LAMA5: variants seen among roughly 807,000 people sequenced by gnomAD.
The protein encoded by LAMA5 is laminin subunit alpha 5.
In LAMA5, 260 loss-of-function variants were observed where a neutral mutation model predicts 433.4. The observed-to-expected ratio is 0.60, with a 90% CI of 0.54 to 0.66. The LOEUF (loss-of-function observed/expected upper bound fraction) is 0.66. Among genes scored for constraint, LAMA5 ranks in the 30% least tolerant of loss-of-function variants. The pLI, the probability that LAMA5 is intolerant of heterozygous loss-of-function variation, is 0.00. For synonymous variants in LAMA5, 2,620 were observed against 2,226.6 expected (o/e 1.18, Z -4.97); for missense variants, 5,378 against 5,258.5 (o/e 1.02, Z -0.70).
chr20:62,311,375 T>C, intron 72 of LAMA5, 26 bp downstream of exon 72: 12 of 1,532,918 alleles, frequency 7.8e-6, no homozygotes, highest in Non-Finnish European at 1.1e-5. Flanking sequence ...ACCCCAGCTC[T>C]GCCTGCTCAC....
chr20:62,365,065 C>T (rs1042658349), intron 1 of LAMA5, among the ~76,000 whole-genome samples: 1 of 152,280 alleles, frequency 6.6e-6, no homozygotes. Flanking sequence ...AGGTCATACC[C>T]GTCCAGCTCA....
At chr20:62,321,246 GGT>G in intron 48 of LAMA5, among the ~76,000 whole-genome samples, 1 of 118,560 alleles carries the variant, frequency 8.4e-6, no homozygotes, top group African/African-American at 3.6e-5. Flanking sequence ...CCTGTGGAGG[GGT>G]GGGGCCAGTG....
At position 62,312,900 on chromosome 20, in the gene LAMA5, C is replaced by A. The variant is rs377693881; in HGVS notation, c.9066G>T (p.Ser3022=). The change falls in exon 66 of 80, where the codon TCG becomes TCT. Residue 3022 remains serine, a synonymous_variant. Transcript: ENST00000252999. Reference sequence around the variant, plus strand: ...ACCCTGGCCCTACCGCCTTGCTGGCCGAGGTCAGGGGCGGTGGGGGCTGCA... The same window carrying A: ...ACCCTGGCCCTACCGCCTTGCTGGCAGAGGTCAGGGGCGGTGGGGGCTGCA... ...VPLQPPPPLT[S]ASKAIQVFLL... 2 of 1,586,064 alleles carry A rather than the reference C, an allele frequency of 1.3e-6. No homozygotes were observed. The highest frequency in any genetic ancestry group is 2.2e-5 in the East Asian group (1 of 44,558).
intron 11 of LAMA5, among the ~76,000 whole-genome samples, chr20:62,344,144 CAA>C (rs34940052): frequency 0.027 from 2,241 of 82,576 alleles, 66 homozygotes; most frequent in African/African-American, 0.083. Flanking sequence ...AACTCCATCT[CAA>C]AAAAAAAAAA....
Position 62,322,350 on chromosome 20 carries a change from G to A in LAMA5, c.6265C>T (p.His2089Tyr), listed in dbSNP as rs1052644004. ...GGTCCCATGGTCCCTGGTCGGCAGTGGCACTGTCCGCTCTGGGGGTGGCAC... is the reference window on the plus strand; with the variant it reads ...GGTCCCATGGTCCCTGGTCGGCAGTAGCACTGTCCGCTCTGGGGGTGGCAC... The part of the protein sequence containing the change: ...SECHPQSGQC[H>Y]CRPGTMGPQC... The change falls in exon 47 of 80, where the codon CAC becomes TAC. Residue 2089 changes from histidine (H) to tyrosine (Y), a missense_variant. By Grantham distance (83) the His-to-Tyr change is moderately conservative. Coordinates refer to ENST00000252999, the MANE Select transcript of LAMA5 (RefSeq NM_005560.6). 1.9e-6 allele frequency: 3 copies of A among 1,594,530 alleles called. No homozygotes were observed. The highest frequency in any genetic ancestry group is 1.7e-4 in the Middle Eastern group (1 of 6,048).
rs1169927282 is a variant in LAMA5, at chr20:62,345,855, G to A, written c.1440C>T (p.Asp480=). ...SCYPTPSSSN[D]TREQVLPAGQ... The stretch of plus-strand genomic sequence containing the variant: ...CGGCTGGCAGCACCTGCTCCCTGGT[G>A]TCATTGGAGGACGAGGGCGTCGCTG... Residue 480 remains aspartate, a synonymous_variant, in exon 11 of 80, where the codon GAC becomes GAT. Transcript: ENST00000252999. 12 of 1,552,794 alleles carry A rather than the reference G, an allele frequency of 7.7e-6. No homozygotes were observed. The South Asian group carries it at 1.2e-4, about 15-fold the overall frequency.
At chr20:62,341,540 C>CAG (rs1982587298) in intron 11 of LAMA5, among the ~76,000 whole-genome samples, 1 of 152,194 alleles carries the variant, frequency 6.6e-6, no homozygotes, top group African/African-American at 2.4e-5. Flanking sequence ...AAAATGTCTC[C>CAG]AGACATCATC....
rs572366378 is a variant in LAMA5, at chr20:62,311,628, G to A, written c.9792C>T (p.Asn3264=). 5.4e-5 allele frequency: 87 copies of A among 1,604,840 alleles called. No individual in the cohort carries two copies. The highest frequency in any genetic ancestry group is 3.6e-4 in the African/African-American group (27 of 74,942). ...ACCAGGCTCACCGCTGCACGAAGAC[G>A]TTGCTGATGCAGCCACTGAAGTTGT... ...TIYNFSGCIS[N]VFVQRLLGPQ... Residue 3264 remains asparagine, a synonymous_variant, in exon 71 of 80, where the codon AAC becomes AAT. Transcript: ENST00000252999.
At chr20:62,361,751 G>T (rs1986152012) in intron 2 of LAMA5, among the ~76,000 whole-genome samples, 1 of 152,236 alleles carries the variant, frequency 6.6e-6, no homozygotes, top group Admixed American at 6.5e-5. Flanking sequence ...GGACCTCAAG[G>T]CTGGGTACCC....
Position 62,315,999 on chromosome 20 carries a change from G to A in LAMA5, c.7816C>T (p.Gln2606Ter), listed in dbSNP as rs1424909868. The A allele has an allele frequency of 6.2e-7, 1 of 1,609,484 alleles. No individual in the cohort carries two copies. The highest frequency in any genetic ancestry group is 8.5e-7 in the Non-Finnish European group (1 of 1,179,546). ...QLRDVRAKKD[Q>*]LEAHIQAAQA... ...GCCGCCTGGATGTGCGCCTCCAGCT[G>A]GTCCTTCTTGGCCCGGACATCTCGG... Residue 2606 changes from glutamine (Q) to a stop codon, truncating the protein, a stop_gained, in exon 58 of 80, where the codon CAG becomes TAG. Coordinates refer to ENST00000252999, the MANE Select transcript of LAMA5 (RefSeq NM_005560.6). LOFTEE classifies it high-confidence loss of function.
chr20:62,316,545 C>T (rs1206542559), intron 57 of LAMA5, 126 bp downstream of exon 57: 3 of 699,372 alleles, frequency 4.3e-6, no homozygotes, highest in African/African-American at 3.6e-5. Flanking sequence ...CTCCAAAGCT[C>T]TCCCACCCCA....
At position 62,357,992 on chromosome 20, in the gene LAMA5, C is replaced by T. The variant is rs951337885; in HGVS notation, c.450+4408G>A. Among the ~76,000 whole-genome samples the T allele has an allele frequency of 2.6e-5, 4 of 152,354 alleles. No homozygotes were observed. The South Asian group carries it at 8.3e-4, about 32-fold the overall frequency. ...CCCAAGGGGACCCCTCGGCCTGAAA[C>T]CCAAACAGTTTCGTCTTCACTGAGC... On this transcript the variant is annotated intron_variant, in intron 2 of 79. Transcript: ENST00000252999.
intron 1 of LAMA5, among the ~76,000 whole-genome samples, chr20:62,366,325 G>A (rs1193512127): frequency 1.3e-5 from 2 of 152,164 alleles, no homozygotes; most frequent in African/African-American, 4.8e-5. Context: ...GGGTCTTCAG[G>A]GCCTGAACCC....
chr20:62,319,279 C>G (rs1568912292), intron 51 of LAMA5, among the ~76,000 whole-genome samples: 1 of 152,172 alleles, frequency 6.6e-6, no homozygotes, highest in Non-Finnish European at 1.5e-5. Flanking sequence ...CCCTCTCCGC[C>G]TGGCCCACCC....
In LAMA5 at chr20:62,336,484, T is replaced by G. The variant is rs369178358; in HGVS notation, c.2218-39A>C. On this transcript the variant is annotated intron_variant, in intron 17 of 79. Coordinates refer to ENST00000252999, the MANE Select transcript of LAMA5 (RefSeq NM_005560.6). ...AGACTGCAGGTCAGAGCGGGCGCCCTGCTCTCCCACCCACAAACCATAGAG... is the reference window on the plus strand; with the variant it reads ...AGACTGCAGGTCAGAGCGGGCGCCCGGCTCTCCCACCCACAAACCATAGAG... 1.6e-4 allele frequency: 248 copies of G among 1,521,788 alleles called. 3 individuals are homozygous for G. The Middle Eastern group carries it at 8.0e-3, about 49-fold the overall frequency. The allele number at this position is 1,521,788 out of a possible 1,614,324, so 94.3% of individuals were successfully genotyped here.
chr20:62,310,021 C>A lies in LAMA5; in HGVS notation c.10795G>T (p.Val3599Leu), dbSNP rs1278744929. The change falls in exon 78 of 80, where the codon GTG (valine) becomes TTG (leucine). Residue 3599 changes from valine (V) to leucine (L), a missense_variant. Physicochemically the swap from Val to Leu is conservative, Grantham distance 32. Coordinates refer to ENST00000252999, the MANE Select transcript of LAMA5 (RefSeq NM_005560.6). ...CGGTGCCACTGGCCATCACACAGCA[C>A]TGAGGGGCGGGTCACTGACGTGGAG... ...EFSTSVTRPS[V>L]LCDGQWHRLA... The A allele has an allele frequency of 3.1e-6, 5 of 1,611,468 alleles. No homozygotes were observed. The highest frequency in any genetic ancestry group is 1.7e-5 in the Admixed American group (1 of 59,982).
At chr20:62,323,112 C>G in intron 45 of LAMA5, among the ~76,000 whole-genome samples, 1 of 95,738 alleles carries the variant, frequency 1.0e-5, no homozygotes. Context: ...GGGGGAGGGT[C>G]TGATGGTGAA....
chr20:62,346,039 C>CAGGCAGTGGT, intron 10 of LAMA5, 42 bp downstream of exon 10: 1 of 1,608,808 alleles, frequency 6.2e-7, no homozygotes. Flanking sequence ...CGGAGTCCAG[C>CAGGCAGTGGT]AGGCAGTGGT....
Position 62,317,778 on chromosome 20 carries a change from G to A in LAMA5, c.7240C>T (p.Gln2414Ter), listed in dbSNP as rs565333663. The A allele has an allele frequency of 5.0e-6, 8 of 1,591,366 alleles. No individual in the cohort carries two copies. Among genetic ancestry groups the A allele is most frequent in the Non-Finnish European group, 6.8e-6 (8 of 1,168,648 alleles). Residue 2414 changes from glutamine (Q) to a stop codon, truncating the protein, a stop_gained and splice_region_variant, in exon 54 of 80, where the codon CAA (glutamine) becomes TAA (stop). Coordinates refer to ENST00000252999, the MANE Select transcript of LAMA5 (RefSeq NM_005560.6). LOFTEE classifies it high-confidence loss of function. ...TCCCGGGACAGCTCCTGCTTCCTTT[G>A]CTGAAGGCAATGCAGGGGAGTTGGG... ...RNQERLEEAL[Q>*]RKQELSRDNA...
Sources: allele counts gnomAD v4.1 joint callset (sites outside exome capture counted in the v4.1 genomes callset), GRCh38; gene constraint gnomAD v4.1.1; transcripts MANE v1.5; gene names NCBI Gene and HGNC (gene_info 2026-07-23, HGNC 2026-07-21).